Variants in TUSC3 observed in about 807,000 individuals in gnomAD.
TUSC3 encodes the protein dolichyl-diphosphooligosaccharide--protein glycosyltransferase subunit TUSC3.
TUSC3 carries 45 observed loss-of-function variants against 44.8 expected under a neutral mutation model. The observed-to-expected ratio is 1.00, with a 90% CI of 0.79 to 1.29. The LOEUF is 1.29. Ranked by LOEUF, TUSC3 falls within the 50% of genes most tolerant of loss-of-function variation. The probability of loss-of-function intolerance (pLI) is 0.00; values close to 1 mark genes in which losing one functional copy is unlikely to be tolerated. For synonymous variants in TUSC3, 212 were observed against 152.9 expected (o/e 1.39, Z -2.85); for missense variants, 519 against 437.9 (o/e 1.19, Z -1.65).
At chr8:15,629,733 CT>C (rs1209301500) in intron 2 of TUSC3, among the ~76,000 whole-genome samples, 7 of 101,194 alleles carry the variant, frequency 6.9e-5, no homozygotes, top group African/African-American at 2.3e-4. Flanking sequence ...TTTTTCTTTT[CT>C]TTAAAAAAAA....
At chr8:15,528,798 T>G (rs1801411074) in intron 2 of TUSC3, among the ~76,000 whole-genome samples, 1 of 152,236 alleles carries the variant, frequency 6.6e-6, no homozygotes, top group African/African-American at 2.4e-5. Context: ...ACCTTCCCTC[T>G]GTATAATTTC....
chr8:15,533,402 C>T (rs540763169), intron 2 of TUSC3, among the ~76,000 whole-genome samples: 8 of 152,328 alleles, frequency 5.3e-5, no homozygotes, highest in South Asian at 2.1e-4. Context: ...CCATTTGTCT[C>T]AGGTGAACAG....
chr8:15,781,628 A>G, the TUSC3 span, among the ~76,000 whole-genome samples: 1 of 152,236 alleles, frequency 6.6e-6, no homozygotes, highest in South Asian at 2.1e-4. Flanking sequence ...TAGACCAATA[A>G]TGAGCCAAGA....
intron 2 of TUSC3, among the ~76,000 whole-genome samples, chr8:15,520,391 A>C (rs17121601): frequency 2.0e-5 from 3 of 152,168 alleles, no homozygotes; most frequent in African/African-American, 7.2e-5. Context: ...GAAAGCCTTC[A>C]TCTCCTCATT....
intron 1 of TUSC3, among the ~76,000 whole-genome samples, chr8:15,589,143 T>C (rs918170557): frequency 6.6e-6 from 1 of 152,326 alleles, no homozygotes. Flanking sequence ...TACACCCTTT[T>C]GGTTTCCATT....
intron 2 of TUSC3, among the ~76,000 whole-genome samples, chr8:15,490,121 T>C (rs370964409): frequency 6.6e-4 from 100 of 152,336 alleles, no homozygotes; most frequent in African/African-American, 2.3e-3. Context: ...TTTGATTTGG[T>C]TTTATTTACT....
intron 1 of TUSC3, among the ~76,000 whole-genome samples, chr8:15,598,709 G>C (rs1804165363): frequency 6.6e-6 from 1 of 151,750 alleles, no homozygotes; most frequent in Non-Finnish European, 1.5e-5. Flanking sequence ...AGCCTTTTCA[G>C]ATTGGCCTCT....
At chr8:15,443,965 C>A (rs13260364) in intron 1 of TUSC3, among the ~76,000 whole-genome samples, 86,811 of 151,966 alleles carry the variant, frequency 0.57, 28,380 homozygotes, top group Non-Finnish European at 0.71. Context: ...TGGCTTCCCC[C>A]ACCCCACCAA....
chr8:15,751,271 C>T (rs1811690242), intron 9 of TUSC3, among the ~76,000 whole-genome samples: 1 of 152,138 alleles, frequency 6.6e-6, no homozygotes, highest in East Asian at 1.9e-4. Context: ...CTAATTGCCA[C>T]ATAGCTAGGT....
chr8:15,654,505 TG>T (rs1807065651), intron 3 of TUSC3, among the ~76,000 whole-genome samples: 1 of 152,192 alleles, frequency 6.6e-6, no homozygotes, highest in African/African-American at 2.4e-5. Flanking sequence ...TGTTATAATC[TG>T]TATGATGTTT....
chr8:15,608,003 T>A (rs2129157554), intron 1 of TUSC3, among the ~76,000 whole-genome samples: 1 of 152,288 alleles, frequency 6.6e-6, no homozygotes, highest in East Asian at 1.9e-4. Context: ...GCAAGTGCAG[T>A]TTGGGGTTTC....
At chr8:15,464,972 C>G (rs1800395248) in intron 1 of TUSC3, among the ~76,000 whole-genome samples, 2 of 152,152 alleles carry the variant, frequency 1.3e-5, no homozygotes, top group Non-Finnish European at 2.9e-5. Flanking sequence ...GCCTCAGCCT[C>G]CCAAGTAGGT....
intron 2 of TUSC3, among the ~76,000 whole-genome samples, chr8:15,520,835 G>A (rs921366022): frequency 3.3e-5 from 5 of 152,322 alleles, no homozygotes; most frequent in South Asian, 2.1e-4. Flanking sequence ...GCAGAAATGA[G>A]TAAATTGAAG....
chr8:15,616,039 G>A (rs1284072371), intron 1 of TUSC3, among the ~76,000 whole-genome samples: 1 of 152,160 alleles, frequency 6.6e-6, no homozygotes, highest in Non-Finnish European at 1.5e-5. Flanking sequence ...TCACTGTGCT[G>A]CAGTCCAGGC....
At chr8:15,611,952 G>A (rs1305902395) in intron 1 of TUSC3, among the ~76,000 whole-genome samples, 1 of 152,152 alleles carries the variant, frequency 6.6e-6, no homozygotes, top group Admixed American at 6.5e-5. Flanking sequence ...TTGGTTTATC[G>A]TTGGGTTTTC....
At position 15,457,067 on chromosome 8, in the gene TUSC3, A is replaced by AC. The variant is rs1800265706; in HGVS notation, n.92-26319_92-26318insC. Among the ~76,000 whole-genome samples the AC allele has an allele frequency of 4.0e-5, 6 of 151,884 alleles. 1 individual carries two copies. The highest frequency in any genetic ancestry group is 1.4e-4 in the African/African-American group (6 of 41,502). On this transcript the variant is annotated intron_variant and non_coding_transcript_variant, in intron 1 of 5. Coordinates refer to the TUSC3 transcript ENST00000503191. ...TCATTCTCAGCAAACTATCGCAAGG[A>AC]TAAAAAACCAAACACTGCGTGTTCT... is the stretch of plus-strand genomic sequence containing the variant.
chr8:15,778,044 C>G, the TUSC3 span, among the ~76,000 whole-genome samples: 1 of 150,608 alleles, frequency 6.6e-6, no homozygotes, highest in Non-Finnish European at 1.5e-5. Context: ...TGCTTTCAAT[C>G]AGAGACTCTG....
the TUSC3 span, among the ~76,000 whole-genome samples, chr8:15,780,093 A>G: frequency 6.6e-6 from 1 of 152,334 alleles, no homozygotes; most frequent in East Asian, 1.9e-4. Flanking sequence ...TGTCAGCAAC[A>G]TGGTAAAATA....
intron 6 of TUSC3, among the ~76,000 whole-genome samples, chr8:15,727,037 A>T (rs1056378073): frequency 6.6e-6 from 1 of 152,156 alleles, no homozygotes; most frequent in African/African-American, 2.4e-5. Context: ...TCCCTCACTC[A>T]TGAGAATTAG....
Sources: allele counts gnomAD v4.1 joint callset (sites outside exome capture counted in the v4.1 genomes callset), GRCh38; gene constraint gnomAD v4.1.1; transcripts MANE v1.5; gene names NCBI Gene and HGNC (gene_info 2026-07-23, HGNC 2026-07-21).